Variants in CTIF observed in about 807,000 individuals in gnomAD.
CTIF encodes cap binding complex dependent translation initiation factor, also known as CBP80/20-dependent translation initiation factor.
A neutral mutation model predicts 66.0 loss-of-function variants in CTIF; 21 were observed. The observed-to-expected ratio is 0.32, with a 90% confidence interval of 0.23 to 0.46. The LOEUF (loss-of-function observed/expected upper bound fraction) is 0.46. CTIF is among the 20% of genes least tolerant of loss of function. The pLI, the probability that CTIF is intolerant of heterozygous loss-of-function variation, is 1.00. For synonymous variants in CTIF, 345 were observed against 326.4 expected, an observed-to-expected ratio of 1.06 and a Z score of -0.62; for missense variants, 739 against 812.7, an observed-to-expected ratio of 0.91 and a Z score of 1.10.
intron 7 of CTIF, among the ~76,000 whole-genome samples, chr18:48,724,792 G>A (rs927618269): frequency 1.3e-5 from 2 of 152,314 alleles, no homozygotes; most frequent in South Asian, 2.1e-4. Context: ...GGCAAGCCCC[G>A]GGATCCTGAG....
chr18:48,540,914 G>C (rs556226083), intron 1 of CTIF, among the ~76,000 whole-genome samples: 60 of 152,228 alleles, frequency 3.9e-4, no homozygotes, highest in African/African-American at 1.4e-3. Context: ...CCGTAGGGTC[G>C]CGTGTGCTGG....
Position 48,657,153 on chromosome 18 carries a change from CTG to C in CTIF, c.253-6596_253-6595del, listed in dbSNP as rs535112603. ...TGGAACCCTAGTCCTGCAAAATTCTCTGTGGAATGAAAAGGAAGAGTGAGGTA... is the reference window on the plus strand; with the variant it reads ...TGGAACCCTAGTCCTGCAAAATTCTCTGGAATGAAAAGGAAGAGTGAGGTA... On this transcript the variant is annotated intron_variant, in intron 3 of 11. Coordinates refer to ENST00000256413, the MANE Select transcript of CTIF (RefSeq NM_014772.3). Among the ~76,000 whole-genome samples the C allele has an allele frequency of 3.6e-3, 542 of 152,268 alleles. 4 individuals carry two copies. Among genetic ancestry groups the C allele is most frequent in the African/African-American group, 0.011 (461 of 41,552 alleles).
rs548393417 is a variant in CTIF at position 48,803,272 on chromosome 18, A to G, written c.1372-13949A>G. Among the ~76,000 whole-genome samples the G allele has an allele frequency of 2.8e-4, 43 of 152,326 alleles. 1 individual carries two copies. In the Middle Eastern group the frequency reaches 0.01, roughly 36 times the overall value. ...AGTGTGTGCCCTTTGTCTAGAGCCAACTGCTGGGGAGAAAGCATTTCCAGC... is the reference window on the plus strand; with the variant it reads ...AGTGTGTGCCCTTTGTCTAGAGCCAGCTGCTGGGGAGAAAGCATTTCCAGC... On this transcript the variant is annotated intron_variant, in intron 9 of 11. Transcript: ENST00000256413.
intron 10 of CTIF, among the ~76,000 whole-genome samples, chr18:48,820,366 G>GT (rs749794398): frequency 1.4e-4 from 21 of 152,152 alleles, no homozygotes; most frequent in Non-Finnish European, 2.8e-4. Context: ...GCTTATGGAA[G>GT]TTTCCAGAGC....
chr18:48,817,090 C>G, intron 9 of CTIF, 131 bp from the exon 10 acceptor site: 1 of 874,578 alleles, frequency 1.1e-6, no homozygotes, highest in Non-Finnish European at 1.7e-6. Flanking sequence ...CACCCCCATC[C>G]TCATTTAAAA....
intron 9 of CTIF, among the ~76,000 whole-genome samples, chr18:48,775,904 C>G (rs1162093142): frequency 6.6e-6 from 1 of 152,226 alleles, no homozygotes; most frequent in Non-Finnish European, 1.5e-5. Flanking sequence ...GGCTGCCCAG[C>G]CGGGCCGTGA....
intron 1 of CTIF, among the ~76,000 whole-genome samples, chr18:48,560,584 T>C (rs1463023944): frequency 1.3e-5 from 2 of 152,022 alleles, no homozygotes; most frequent in Non-Finnish European, 2.9e-5. Flanking sequence ...TCCTTCTTTT[T>C]CTTTGAGACA....
rs989138919 is a variant in CTIF at position 48,758,095 on chromosome 18, A to C, written c.761A>C (p.Asn254Thr). Residue 254 changes from asparagine to threonine, a missense_variant, in exon 8 of 12, where the codon AAC becomes ACC. This residue lies in a region of CTIF where 529 missense variants were observed against 520.3 expected (regional missense o/e 1.02). Transcript: ENST00000256413. ...CAGAACCGGCGCTGGCACCATGGCA[A>C]CATGAAGCACCCACCAGGCGACAAG... ...YSQNRRWHHGNMKHPPGDKGE... is the reference protein window; with the variant it reads ...YSQNRRWHHGTMKHPPGDKGE... The C allele has an allele frequency of 2.5e-6, 4 of 1,613,994 alleles. No homozygotes were observed. Among genetic ancestry groups the C allele is most frequent in the Admixed American group, 3.3e-5 (2 of 60,010 alleles).
intron 8 of CTIF, 94 bp downstream of exon 8, chr18:48,758,499 G>A (rs770424049): frequency 4.1e-5 from 59 of 1,451,338 alleles, no homozygotes; most frequent in Non-Finnish European, 4.2e-5. Context: ...GAGCCTTGTG[G>A]GTTTGAGGGT....
chr18:48,752,955 G>T (rs1183051777), intron 7 of CTIF, among the ~76,000 whole-genome samples: 1 of 152,114 alleles, frequency 6.6e-6, no homozygotes, highest in African/African-American at 2.4e-5. Flanking sequence ...AACTGGGGTG[G>T]GTGTGTGTGG....
At chr18:48,581,521 A>G (rs1050235193) in intron 1 of CTIF, among the ~76,000 whole-genome samples, 3 of 152,058 alleles carry the variant, frequency 2.0e-5, no homozygotes, top group African/African-American at 4.8e-5. Flanking sequence ...CACTGCCTTA[A>G]CCACTGCACT....
At chr18:48,740,014 C>T (rs996999291) in intron 7 of CTIF, among the ~76,000 whole-genome samples, 7 of 152,256 alleles carry the variant, frequency 4.6e-5, no homozygotes, top group African/African-American at 1.4e-4. Context: ...TATCAATGCA[C>T]ATTGTCAGTA....
At chr18:48,550,622 C>G (rs966811816) in intron 1 of CTIF, among the ~76,000 whole-genome samples, 1 of 152,152 alleles carries the variant, frequency 6.6e-6, no homozygotes, top group Non-Finnish European at 1.5e-5. Context: ...TGTCCTCCTC[C>G]CCCTCTTCCC....
intron 6 of CTIF, among the ~76,000 whole-genome samples, chr18:48,704,671 CG>C (rs374027592): frequency 6.6e-6 from 1 of 152,314 alleles, no homozygotes; most frequent in African/African-American, 2.4e-5. Flanking sequence ...AGTCCTCACG[CG>C]GCCTTGTTTT....
intron 6 of CTIF, among the ~76,000 whole-genome samples, chr18:48,708,485 T>C (rs2092186822): frequency 1.3e-5 from 2 of 152,044 alleles, no homozygotes; most frequent in Admixed American, 1.3e-4. Flanking sequence ...CAGGAGGAGG[T>C]TCCCGGTGCT....
intron 7 of CTIF, among the ~76,000 whole-genome samples, chr18:48,721,999 G>A (rs899329387): frequency 2.6e-5 from 4 of 152,170 alleles, no homozygotes; most frequent in African/African-American, 7.2e-5. Flanking sequence ...CATGGGATGG[G>A]AAAGACAGTT....
intron 6 of CTIF, among the ~76,000 whole-genome samples, chr18:48,694,997 G>C (rs1598885528): frequency 6.6e-6 from 1 of 152,170 alleles, no homozygotes; most frequent in East Asian, 1.9e-4. Flanking sequence ...TGTCATTTCT[G>C]CAAGTTCCTC....
At chr18:48,762,030 T>C (rs1007892636) in intron 9 of CTIF, among the ~76,000 whole-genome samples, 1 of 152,224 alleles carries the variant, frequency 6.6e-6, no homozygotes, top group East Asian at 1.9e-4. Flanking sequence ...CAAGCAGACA[T>C]GAACTTGCTG....
At chr18:48,593,246 C>T (rs779065151) in intron 1 of CTIF, among the ~76,000 whole-genome samples, 5 of 152,090 alleles carry the variant, frequency 3.3e-5, no homozygotes, top group South Asian at 4.1e-4. Context: ...TCAACACCTC[C>T]GCTGGGATTC....
Sources: gnomAD v4.1 joint callset for allele counts (sites outside exome capture counted in the v4.1 genomes callset) on GRCh38, gnomAD v4.1.1 for gene constraint, gnomAD v4.1.1 regional missense constraint, MANE v1.5 for transcripts, NCBI Gene and HGNC (gene_info 2026-07-23, HGNC 2026-07-21) for gene names.